ZNF385D: variants seen among roughly 807,000 people sequenced by gnomAD.
The protein encoded by ZNF385D is zinc finger protein 659.
Under a neutral mutation model 35.8 loss-of-function variants are expected in ZNF385D, and 15 were observed. That is an observed-to-expected ratio of 0.42 (90% CI 0.28 to 0.64). The LOEUF (loss-of-function observed/expected upper bound fraction) is 0.64, where lower values mean the gene tolerates loss of function less well. ZNF385D is among the 30% of genes least tolerant of loss of function. The pLI, the probability that ZNF385D is intolerant of heterozygous loss-of-function variation, is 0.23. For synonymous variants in ZNF385D, 212 were observed against 186.8 expected (o/e 1.13, Z -1.10); for missense variants, 474 against 494.6 (o/e 0.96, Z 0.39).
chr3:21,813,399 TCTC>T (rs2073017146), intron 3 of ZNF385D, among the ~76,000 whole-genome samples: 1 of 151,902 alleles, frequency 6.6e-6, no homozygotes, highest in South Asian at 2.1e-4. Context: ...ATAACAAACT[TCTC>T]CGAGCTAAAG....
intron 3 of ZNF385D, among the ~76,000 whole-genome samples, chr3:22,150,128 A>C (rs750613417): frequency 6.6e-6 from 1 of 152,228 alleles, no homozygotes; most frequent in African/African-American, 2.4e-5. Context: ...AAACAAGGCA[A>C]ATAAGATAAT....
At chr3:22,057,797 A>G (rs1699483245) in intron 3 of ZNF385D, among the ~76,000 whole-genome samples, 1 of 152,162 alleles carries the variant, frequency 6.6e-6, no homozygotes, top group Admixed American at 6.5e-5. Flanking sequence ...TACAGGCTTG[A>G]GCCACTGTGC....
chr3:21,960,382 T>G (rs1289122369), intron 3 of ZNF385D, among the ~76,000 whole-genome samples: 1 of 151,988 alleles, frequency 6.6e-6, no homozygotes, highest in South Asian at 2.1e-4. Context: ...AAAACTATAA[T>G]GAAATATCAC....
intron 2 of ZNF385D, among the ~76,000 whole-genome samples, chr3:22,279,066 T>G (rs1701582150): frequency 6.6e-6 from 1 of 151,958 alleles, no homozygotes; most frequent in African/African-American, 2.4e-5. Flanking sequence ...TAGCAAAGAG[T>G]AGAAATACAG....
At chr3:22,112,718 G>A (rs1448533477) in intron 3 of ZNF385D, among the ~76,000 whole-genome samples, 1 of 152,086 alleles carries the variant, frequency 6.6e-6, no homozygotes, top group Non-Finnish European at 1.5e-5. Flanking sequence ...CATAGAAGAT[G>A]AAGAGTCATG....
At chr3:21,755,908 GAAC>G (rs1401772183), upstream of ZNF385D, among the ~76,000 whole-genome samples, 2 of 152,186 alleles carry the variant, frequency 1.3e-5, no homozygotes, top group East Asian at 3.9e-4. Context: ...GTGCCAGGAA[GAAC>G]AACAAGGCCA....
chr3:21,797,538 A>T (rs2072207526), intron 3 of ZNF385D, among the ~76,000 whole-genome samples: 1 of 152,212 alleles, frequency 6.6e-6, no homozygotes, highest in Admixed American at 6.5e-5. Context: ...TCTACAAACA[A>T]CTGTTTAAAG....
At chr3:22,161,793 A>G (rs990695786) in intron 3 of ZNF385D, among the ~76,000 whole-genome samples, 7 of 152,192 alleles carry the variant, frequency 4.6e-5, no homozygotes, top group African/African-American at 1.4e-4. Context: ...CTGTAATAAT[A>G]TAAGTGATTT....
At chr3:21,642,322 A>G (rs1300939334) in intron 2 of ZNF385D, among the ~76,000 whole-genome samples, 1 of 151,652 alleles carries the variant, frequency 6.6e-6, no homozygotes, top group African/African-American at 2.4e-5. Context: ...AGCCTATTAA[A>G]CCTTCCCTCT....
chr3:21,539,418 A>G lies in ZNF385D; in HGVS notation c.276+25156T>C, dbSNP rs539827366. Among the ~76,000 whole-genome samples, 1 of 152,312 alleles carries G rather than the reference A, an allele frequency of 6.6e-6. No individual in the cohort carries two copies. The highest frequency in any genetic ancestry group is 6.5e-5 in the Admixed American group (1 of 15,296). On this transcript the variant is annotated intron_variant, in intron 3 of 7. Coordinates refer to ENST00000281523, the MANE Select transcript of ZNF385D (RefSeq NM_024697.3). This position sits in a 1 kb window ranked among gnomAD's most constrained non-coding sequence, Gnocchi z 4.0. ...GTTGGCCTATTTCAATCAAAAATAG[A>G]TATATATCACTGTCATAGGCAGTTC...
chr3:22,292,438 G>A (rs1345355276), intron 2 of ZNF385D, among the ~76,000 whole-genome samples: 2 of 151,978 alleles, frequency 1.3e-5, no homozygotes, highest in Non-Finnish European at 2.9e-5. Flanking sequence ...GCTTTAATTA[G>A]TTTTTGTTTT....
chr3:21,876,531 T>G (rs1307037557), intron 3 of ZNF385D, among the ~76,000 whole-genome samples: 1 of 151,914 alleles, frequency 6.6e-6, no homozygotes, highest in Admixed American at 6.6e-5. Context: ...CATGTTTTCA[T>G]TTAACCCTTC....
intron 2 of ZNF385D, among the ~76,000 whole-genome samples, chr3:22,261,630 T>C (rs1337667794): frequency 2.6e-5 from 4 of 151,950 alleles, no homozygotes; most frequent in Non-Finnish European, 5.9e-5. Context: ...CTACCTGGAC[T>C]AAGCTAATGG....
At chr3:21,747,545 T>C (rs999887371) in intron 1 of ZNF385D, among the ~76,000 whole-genome samples, 1 of 152,228 alleles carries the variant, frequency 6.6e-6, no homozygotes, top group Non-Finnish European at 1.5e-5. Flanking sequence ...GTGGTTGACA[T>C]GACCACTGGC....
intron 3 of ZNF385D, among the ~76,000 whole-genome samples, chr3:21,993,560 C>T (rs975487646): frequency 1.3e-5 from 2 of 152,136 alleles, no homozygotes; most frequent in Non-Finnish European, 2.9e-5. Flanking sequence ...TTAAACTATG[C>T]ATTAATTCAT....
At chr3:21,655,012 G>T (rs796317149) in intron 2 of ZNF385D, among the ~76,000 whole-genome samples, 9 of 152,056 alleles carry the variant, frequency 5.9e-5, no homozygotes, top group African/African-American at 2.2e-4. Context: ...TCTGTACTTA[G>T]TTGTGAAAAT....
intron 3 of ZNF385D, among the ~76,000 whole-genome samples, chr3:21,946,819 G>C (rs1626065): frequency 1.2e-4 from 18 of 152,098 alleles, no homozygotes; most frequent in African/African-American, 3.9e-4. Flanking sequence ...GTGATAGAGC[G>C]ACACTCCGTG....
chr3:21,961,391 C>A (rs752165174), intron 3 of ZNF385D: 10 of 151,952 alleles, frequency 6.6e-5, no homozygotes, highest in Non-Finnish European at 1.2e-4. Flanking sequence ...TAAATTAATT[C>A]TTTTCTCTTT....
At chr3:22,015,572 AC>A (rs1400999253) in intron 3 of ZNF385D, among the ~76,000 whole-genome samples, 4 of 152,012 alleles carry the variant, frequency 2.6e-5, no homozygotes, top group African/African-American at 9.7e-5. Flanking sequence ...GCACCCTTGT[AC>A]CCACATCTCT....
Sources: allele counts gnomAD v4.1 joint callset (sites outside exome capture counted in the v4.1 genomes callset), GRCh38; gene constraint gnomAD v4.1.1; non-coding constraint Gnocchi (gnomAD v3.1); transcripts MANE v1.5; gene names NCBI Gene and HGNC (gene_info 2026-07-23, HGNC 2026-07-21).